KIAA1217: variants seen among roughly 807,000 people sequenced by gnomAD.
The protein encoded by KIAA1217 is sickle tail protein homolog.
A neutral mutation model predicts 163.9 loss-of-function variants in KIAA1217; 88 were observed. That is an observed-to-expected ratio of 0.54 (90% CI 0.45 to 0.64). The LOEUF is 0.64. Among genes scored for constraint, KIAA1217 ranks in the 30% least tolerant of loss-of-function variants. The probability of loss-of-function intolerance (pLI) is 0.00; values close to 1 mark genes in which losing one functional copy is unlikely to be tolerated. For missense variants in KIAA1217, 2,372 were observed against 2,475.0 expected (o/e 0.96, Z 0.88); for synonymous variants, 903 against 923.1 (o/e 0.98, Z 0.39).
chr10:23,800,571 A>G (rs1188037601), intron 1 of KIAA1217, among the ~76,000 whole-genome samples: 1 of 152,142 alleles, frequency 6.6e-6, no homozygotes, highest in African/African-American at 2.4e-5. Context: ...CCCTCATAAA[A>G]GGACACTGTG....
intron 2 of KIAA1217, among the ~76,000 whole-genome samples, chr10:24,118,748 G>T (rs1408729206): frequency 1.3e-5 from 2 of 150,380 alleles, no homozygotes; most frequent in East Asian, 3.9e-4. Flanking sequence ...ACTATTTCTA[G>T]TAAAGCATGG....
At chr10:23,749,177 A>T (rs1438913267) in intron 1 of KIAA1217, among the ~76,000 whole-genome samples, 1 of 152,206 alleles carries the variant, frequency 6.6e-6, no homozygotes, top group Non-Finnish European at 1.5e-5. Context: ...TACTACCAAG[A>T]TCCCCAACTC....
rs149752269 is a variant in KIAA1217, at chr10:24,424,511, T to C, written c.554-8484T>C. Among the ~76,000 whole-genome samples, 743 of 152,362 alleles carry C rather than the reference T, an allele frequency of 4.9e-3. 2 individuals carry two copies. The highest frequency in any genetic ancestry group is 0.016 in the African/African-American group (658 of 41,590). ...TGGCACAAGATGGGAACTTGTCTAG[T>C]GAATTAATGAAGCCATTTCTACCGT... On this transcript the variant is annotated intron_variant, in intron 3 of 20. Coordinates refer to ENST00000376454, the MANE Select transcript of KIAA1217 (RefSeq NM_019590.5).
chr10:24,540,586 C>A (rs2074884874), intron 17 of KIAA1217, among the ~76,000 whole-genome samples: 1 of 152,096 alleles, frequency 6.6e-6, no homozygotes, highest in Admixed American at 6.6e-5. Flanking sequence ...CAGACACCAG[C>A]CCTAACCTCC....
intron 2 of KIAA1217, among the ~76,000 whole-genome samples, chr10:24,290,547 T>C (rs547268340): frequency 3.5e-4 from 53 of 152,020 alleles, no homozygotes; most frequent in Non-Finnish European, 7.5e-4. Context: ...ACTTTCACCT[T>C]ATCACAATAA....
chr10:24,314,328 C>T (rs1294473049), intron 2 of KIAA1217, among the ~76,000 whole-genome samples: 2 of 152,176 alleles, frequency 1.3e-5, no homozygotes, highest in African/African-American at 4.8e-5. Flanking sequence ...AGCATCTTGA[C>T]AACATGCGGG....
chr10:24,219,581 T>TA, intron 1 of KIAA1217, 45 bp from the exon 2 acceptor site: 1 of 1,496,184 alleles, frequency 6.7e-7, no homozygotes, highest in Non-Finnish European at 9.0e-7. Flanking sequence ...ATGAGACTTC[T>TA]AGTGTGAAAT....
chr10:23,818,028 C>CGT (rs1837418151), intron 1 of KIAA1217, among the ~76,000 whole-genome samples: 1 of 112,882 alleles, frequency 8.9e-6, no homozygotes, highest in African/African-American at 3.6e-5. Context: ...TATATACACA[C>CGT]ATATATATAC....
chr10:23,892,137 T>C (rs1256945032), intron 1 of KIAA1217, among the ~76,000 whole-genome samples: 2 of 151,990 alleles, frequency 1.3e-5, no homozygotes, highest in African/African-American at 4.8e-5. Context: ...GCCTTTCTTA[T>C]TGAATGTTTG....
At chr10:23,747,489 TC>T (rs764033011) in intron 1 of KIAA1217, among the ~76,000 whole-genome samples, 39 of 151,916 alleles carry the variant, frequency 2.6e-4, no homozygotes, top group Non-Finnish European at 5.1e-4. Flanking sequence ...GGAAATATGC[TC>T]CCACATGACC....
chr10:23,840,900 G>A (rs770259495), intron 1 of KIAA1217, among the ~76,000 whole-genome samples: 6 of 152,276 alleles, frequency 3.9e-5, no homozygotes, highest in Non-Finnish European at 8.8e-5. Flanking sequence ...AGGAGCCATA[G>A]AATAGTGGTC....
At chr10:24,098,256 G>C (rs1325410043) in intron 2 of KIAA1217, among the ~76,000 whole-genome samples, 1 of 152,056 alleles carries the variant, frequency 6.6e-6, no homozygotes, top group African/African-American at 2.4e-5. Flanking sequence ...TTCACAGTTA[G>C]GTGTGAGCTG....
At chr10:24,304,696 G>C (rs972342363) in intron 2 of KIAA1217, among the ~76,000 whole-genome samples, 3 of 152,100 alleles carry the variant, frequency 2.0e-5, no homozygotes, top group Non-Finnish European at 4.4e-5. Context: ...TTTGGGGAAG[G>C]CTTCTGTAAA....
intron 1 of KIAA1217, among the ~76,000 whole-genome samples, chr10:23,920,598 C>T (rs562291574): frequency 6.6e-6 from 1 of 152,274 alleles, no homozygotes. Context: ...CTTCTTTTGT[C>T]TCTCTATTTA....
intron 1 of KIAA1217, among the ~76,000 whole-genome samples, chr10:23,696,609 A>G (rs1836059449): frequency 6.6e-6 from 1 of 152,214 alleles, no homozygotes; most frequent in African/African-American, 2.4e-5. Context: ...AACAGAGATG[A>G]TTCATGTGTG....
intron 2 of KIAA1217, among the ~76,000 whole-genome samples, chr10:24,289,903 CTT>C (rs1008327705): frequency 2.0e-5 from 3 of 152,044 alleles, no homozygotes; most frequent in African/African-American, 4.8e-5. Context: ...GGCACCCAGT[CTT>C]TTTAATAGTA....
chr10:24,522,134 G>C (rs1418544414), intron 12 of KIAA1217, among the ~76,000 whole-genome samples: 2 of 152,082 alleles, frequency 1.3e-5, no homozygotes, highest in African/African-American at 4.8e-5. Flanking sequence ...TTGCTAGGTG[G>C]AGCCCATCCT....
intron 2 of KIAA1217, among the ~76,000 whole-genome samples, chr10:24,273,806 TC>T (rs2077001101): frequency 6.8e-6 from 1 of 147,514 alleles, no homozygotes; most frequent in South Asian, 2.2e-4. Flanking sequence ...TGAGCCGAGA[TC>T]GTGCCACTGT....
At chr10:24,276,114 A>G (rs779710572) in intron 2 of KIAA1217, among the ~76,000 whole-genome samples, 1 of 152,184 alleles carries the variant, frequency 6.6e-6, no homozygotes, top group Non-Finnish European at 1.5e-5. Context: ...ATTTAGTGAA[A>G]TAGTAATTGA....
Sources: allele counts gnomAD v4.1 joint callset (sites outside exome capture counted in the v4.1 genomes callset), GRCh38; gene constraint gnomAD v4.1.1; transcripts MANE v1.5; gene names NCBI Gene and HGNC (gene_info 2026-07-23, HGNC 2026-07-21).